Variants in LRMDA observed in about 807,000 individuals in gnomAD.
LRMDA encodes leucine rich melanocyte differentiation associated, also known as leucine-rich melanocyte differentiation-associated protein.
LRMDA carries 18 observed loss-of-function variants against 29.8 expected under a neutral mutation model. The observed-to-expected ratio is 0.60, with a 90% CI of 0.42 to 0.90. The LOEUF (loss-of-function observed/expected upper bound fraction) is 0.90. Ranked by LOEUF, LRMDA falls within the 40% of genes least tolerant of loss-of-function variation. The pLI is 0.00. For missense variants in LRMDA, 273 were observed against 273.9 expected (o/e 1.00, Z 0.02); for synonymous variants, 125 against 109.4 (o/e 1.14, Z -0.89).
chr10:75,919,780 C>G (rs144356259), intron 2 of LRMDA, among the ~76,000 whole-genome samples: 15 of 152,252 alleles, frequency 9.9e-5, no homozygotes, highest in African/African-American at 3.4e-4. Flanking sequence ...TCCTCTTTCT[C>G]CCTGGGATGT....
At position 75,802,398 on chromosome 10, in the gene LRMDA, G is replaced by A. The variant is rs763352047; in HGVS notation, c.132-233610G>A. On this transcript the variant is annotated intron_variant, in intron 2 of 6. Coordinates refer to ENST00000611255, the MANE Select transcript of LRMDA (RefSeq NM_001305581.2). ...GAAGGAAACTTGATTAAGGAAGGCC[G>A]GTCTAGCATAAAGCTTTGGGTGAAG... is the stretch of plus-strand genomic sequence containing the variant. Among the ~76,000 whole-genome samples, 9 of 151,754 alleles carry A rather than the reference G, an allele frequency of 5.9e-5. No homozygotes were observed. The Middle Eastern group carries it at 0.01, about 172-fold the overall frequency.
At chr10:76,071,955 G>A (rs1848882626) in intron 5 of LRMDA, among the ~76,000 whole-genome samples, 1 of 152,200 alleles carries the variant, frequency 6.6e-6, no homozygotes, top group Non-Finnish European at 1.5e-5. Flanking sequence ...TGATATGAAT[G>A]CAGCCAGTTT....
intron 2 of LRMDA, among the ~76,000 whole-genome samples, chr10:75,803,471 C>T (rs1351951023): frequency 2.0e-5 from 3 of 152,186 alleles, no homozygotes; most frequent in African/African-American, 7.2e-5. Context: ...TTGCATGGCA[C>T]TGTGGGTCAG....
chr10:75,825,869 C>A (rs1350910126), intron 2 of LRMDA, among the ~76,000 whole-genome samples: 1 of 152,098 alleles, frequency 6.6e-6, no homozygotes, highest in East Asian at 1.9e-4. Context: ...ACCCAGTGAC[C>A]CCCTTGCTGC....
At chr10:75,908,271 C>G (rs1845788105) in intron 2 of LRMDA, among the ~76,000 whole-genome samples, 1 of 152,172 alleles carries the variant, frequency 6.6e-6, no homozygotes, top group Non-Finnish European at 1.5e-5. Context: ...AGCCAGGGCC[C>G]TGGGCTTCTC....
intron 5 of LRMDA, among the ~76,000 whole-genome samples, chr10:76,298,089 C>T (rs1482178975): frequency 6.6e-6 from 1 of 152,216 alleles, no homozygotes; most frequent in Non-Finnish European, 1.5e-5. Context: ...AGCCAGCCCA[C>T]CATGCATGCC....
At chr10:75,981,111 T>C (rs1847162071) in intron 2 of LRMDA, among the ~76,000 whole-genome samples, 1 of 152,180 alleles carries the variant, frequency 6.6e-6, no homozygotes, top group Non-Finnish European at 1.5e-5. Flanking sequence ...AGTGGTTCAC[T>C]TTTACATTCT....
intron 2 of LRMDA, among the ~76,000 whole-genome samples, chr10:75,622,561 G>T (rs746596441): frequency 1.3e-5 from 2 of 152,120 alleles, no homozygotes; most frequent in African/African-American, 2.4e-5. Flanking sequence ...ATAAACAACT[G>T]GTCACTGCAT....
At chr10:75,537,388 T>G (rs185125731) in intron 2 of LRMDA, among the ~76,000 whole-genome samples, 1 of 152,318 alleles carries the variant, frequency 6.6e-6, no homozygotes, top group Non-Finnish European at 1.5e-5. Flanking sequence ...CCTAGCTTTG[T>G]GTGACATCAG....
intron 2 of LRMDA, among the ~76,000 whole-genome samples, chr10:75,441,319 G>A (rs948476357): frequency 1.3e-5 from 2 of 152,140 alleles, no homozygotes; most frequent in South Asian, 2.1e-4. Flanking sequence ...CCGGCACACC[G>A]CAGCTCCCTG....
At chr10:75,480,751 G>A (rs1212008635) in intron 2 of LRMDA, among the ~76,000 whole-genome samples, 1 of 152,244 alleles carries the variant, frequency 6.6e-6, no homozygotes, top group African/African-American at 2.4e-5. Flanking sequence ...AATGGGCTGC[G>A]GGTGCAGGTT....
rs1205493112 is a variant in LRMDA, at chr10:75,641,464, TAAAG to T, written c.131+202972_131+202975del. Among the ~76,000 whole-genome samples the T allele has an allele frequency of 2.0e-5, 3 of 151,690 alleles. No individual in the cohort carries two copies. The East Asian group carries it at 5.8e-4, about 29-fold the overall frequency. On this transcript the variant is annotated intron_variant, in intron 2 of 6. Coordinates refer to ENST00000611255, the MANE Select transcript of LRMDA (RefSeq NM_001305581.2). ...TTATAGTTTTGGTTTTTATTTTTAA[TAAAG>T]ATAGTTCATTAAATAATGGTTAAAT... is the stretch of plus-strand genomic sequence containing the variant.
chr10:75,590,801 T>G (rs568244463), intron 2 of LRMDA, among the ~76,000 whole-genome samples: 1 of 128,460 alleles, frequency 7.8e-6, no homozygotes, highest in South Asian at 2.7e-4. Context: ...CAGGTTGGAG[T>G]GCAGTGGCAT....
intron 3 of LRMDA, among the ~76,000 whole-genome samples, chr10:76,040,384 GC>G (rs1372256923): frequency 1.3e-5 from 2 of 152,106 alleles, no homozygotes; most frequent in African/African-American, 2.4e-5. Flanking sequence ...TTTTCCACCA[GC>G]CCTTTTTCTC....
chr10:76,322,349 GT>G (rs35902248), intron 5 of LRMDA, among the ~76,000 whole-genome samples: 22,202 of 152,084 alleles, frequency 0.15, 2,831 homozygotes, highest in African/African-American at 0.34. Flanking sequence ...ATTTGTAGTT[GT>G]TTTCCTAAAC....
chr10:76,007,678 CA>C (rs1288369972), intron 2 of LRMDA, among the ~76,000 whole-genome samples: 1 of 152,138 alleles, frequency 6.6e-6, no homozygotes, highest in African/African-American at 2.4e-5. Flanking sequence ...AGGCAATTTC[CA>C]GACTAATTTA....
intron 2 of LRMDA, among the ~76,000 whole-genome samples, chr10:75,927,578 A>T (rs1846140618): frequency 6.6e-6 from 1 of 152,204 alleles, no homozygotes; most frequent in African/African-American, 2.4e-5. Flanking sequence ...TCCAGAATTT[A>T]GGTGTTCGAG....
At chr10:75,606,850 A>G (rs1349444062) in intron 2 of LRMDA, among the ~76,000 whole-genome samples, 1 of 152,210 alleles carries the variant, frequency 6.6e-6, no homozygotes, top group Non-Finnish European at 1.5e-5. Context: ...TCCATTAAAC[A>G]TTTATTGTAT....
At chr10:75,735,919 G>A (rs112199281) in intron 2 of LRMDA, among the ~76,000 whole-genome samples, 13 of 152,220 alleles carry the variant, frequency 8.5e-5, no homozygotes, top group African/African-American at 3.1e-4. Context: ...TCTTTCCACG[G>A]TAAGATGCCT....
Sources: allele counts gnomAD v4.1 joint callset (sites outside exome capture counted in the v4.1 genomes callset), GRCh38; gene constraint gnomAD v4.1.1; transcripts MANE v1.5; gene names NCBI Gene and HGNC (gene_info 2026-07-23, HGNC 2026-07-21).